Variants in ELMO1 observed in about 807,000 individuals in gnomAD.
ELMO1 encodes the protein engulfment and cell motility 1, also known as engulfment and cell motility protein 1.
A neutral mutation model predicts 98.9 loss-of-function variants in ELMO1; 26 were observed. The ratio of observed to expected loss-of-function variants is 0.26; its 90% CI spans 0.19 to 0.36. The LOEUF (loss-of-function observed/expected upper bound fraction) is 0.36. Ranked by LOEUF, ELMO1 falls within the 10% of genes least tolerant of loss-of-function variation. The pLI is 1.00. For missense variants in ELMO1, 627 were observed against 935.2 expected (o/e 0.67, Z 4.30); for synonymous variants, 346 against 346.0 (o/e 1.00, Z 0.00).
chr7:37,382,136 C>T (rs941232232), intron 1 of ELMO1, among the ~76,000 whole-genome samples: 6 of 152,134 alleles, frequency 3.9e-5, no homozygotes, highest in African/African-American at 1.4e-4. Flanking sequence ...CTCAGAAACA[C>T]TTGCCTTACC....
chr7:37,125,853 T>C (rs1194397707), intron 14 of ELMO1, among the ~76,000 whole-genome samples: 2 of 152,246 alleles, frequency 1.3e-5, no homozygotes, highest in African/African-American at 2.4e-5. Flanking sequence ...CAGACGTATG[T>C]TTATTGTGGC....
At chr7:36,910,603 G>T (rs1784276894) in intron 16 of ELMO1, among the ~76,000 whole-genome samples, 1 of 152,194 alleles carries the variant, frequency 6.6e-6, no homozygotes, top group Admixed American at 6.5e-5. Context: ...TTGCTCACTT[G>T]CCATCTGTGT....
At chr7:36,973,278 C>G (rs901820451) in intron 16 of ELMO1, among the ~76,000 whole-genome samples, 6 of 152,198 alleles carry the variant, frequency 3.9e-5, no homozygotes, top group African/African-American at 1.4e-4. Context: ...GACTGCTGTT[C>G]TTTTTCTCCC....
chr7:37,384,066 C>G (rs59508120), intron 1 of ELMO1, among the ~76,000 whole-genome samples: 13,682 of 152,198 alleles, frequency 0.09, 1,149 homozygotes, highest in East Asian at 0.42. Context: ...CCACCCACCT[C>G]GGCCTCCCAG....
At chr7:37,095,634 T>A (rs1325540028) in intron 15 of ELMO1, among the ~76,000 whole-genome samples, 1 of 152,238 alleles carries the variant, frequency 6.6e-6, no homozygotes, top group Non-Finnish European at 1.5e-5. Context: ...TATTTTTCCT[T>A]ACTAAGTATT....
At chr7:37,222,535 C>T (rs2302668) in intron 10 of ELMO1, 80 bp downstream of exon 10, 305,078 of 1,386,474 alleles carry the variant, frequency 0.22, 35,241 homozygotes, top group Middle Eastern at 0.28. Context: ...AATGAGTCCC[C>T]GAATAGAAGG....
chr7:37,260,601 C>A (rs1405468267), intron 5 of ELMO1, among the ~76,000 whole-genome samples: 1 of 152,038 alleles, frequency 6.6e-6, no homozygotes, highest in African/African-American at 2.4e-5. Flanking sequence ...CTGGAAGCAG[C>A]CCTCAAGAAG....
intron 2 of ELMO1, among the ~76,000 whole-genome samples, chr7:37,335,664 T>G (rs1583575342): frequency 6.6e-6 from 1 of 151,908 alleles, no homozygotes; most frequent in South Asian, 2.1e-4. Context: ...GAGCGAGGGG[T>G]GCCCGGAAGC....
At chr7:36,963,650 C>T (rs913839837) in intron 16 of ELMO1, among the ~76,000 whole-genome samples, 1 of 152,108 alleles carries the variant, frequency 6.6e-6, no homozygotes, top group Non-Finnish European at 1.5e-5. Flanking sequence ...CTATATAAAA[C>T]ATATGTCTTA....
rs146510671 is a variant in ELMO1 at position 37,342,678 on chromosome 7, C to T, written c.13G>A (p.Ala5Thr). ...TCTATGGCCACCTTGACGATGTCCG[C>T]GGGTGGCGGCATTGTAAGTCCCCAA... is the stretch of plus-strand genomic sequence containing the variant. MPPP[A>T]DIVKVAIEWP... The change falls in exon 2 of 22, where the codon GCG (alanine) becomes ACG (threonine). Residue 5 changes from alanine to threonine, a missense_variant. Physicochemically the swap from Ala to Thr is moderately conservative, Grantham distance 58. Coordinates refer to ENST00000310758, the MANE Select transcript of ELMO1 (RefSeq NM_014800.11). This position sits in a 1 kb window ranked among gnomAD's most constrained non-coding sequence, Gnocchi z 4.3. The T allele has an allele frequency of 5.9e-5, 95 of 1,609,796 alleles. No individual in the cohort carries two copies. Among genetic ancestry groups the T allele is most frequent in the Middle Eastern group, 1.7e-4 (1 of 6,050 alleles).
At chr7:37,095,121 C>T (rs919786445) in intron 15 of ELMO1, among the ~76,000 whole-genome samples, 3 of 152,258 alleles carry the variant, frequency 2.0e-5, no homozygotes, top group Middle Eastern at 3.4e-3. Context: ...CAACCAAGGG[C>T]AGTGCAGAGC....
At chr7:37,016,048 A>G (rs1793911132) in intron 15 of ELMO1, among the ~76,000 whole-genome samples, 1 of 152,146 alleles carries the variant, frequency 6.6e-6, no homozygotes, top group African/African-American at 2.4e-5. Context: ...GAAATTTACA[A>G]ATCTTCAGCT....
At chr7:37,161,905 A>AATATCTATATATATATATAT (rs1789229717) in intron 13 of ELMO1, among the ~76,000 whole-genome samples, 1 of 42,380 alleles carries the variant, frequency 2.4e-5, no homozygotes, top group South Asian at 9.2e-4. Flanking sequence ...CAGGTAATCA[A>AATATCTATATATATATATAT]ATATATATAT....
intron 15 of ELMO1, among the ~76,000 whole-genome samples, chr7:37,025,320 A>G (rs1380110832): frequency 2.0e-5 from 3 of 152,234 alleles, no homozygotes; most frequent in African/African-American, 7.2e-5. Flanking sequence ...TTATCTTGCT[A>G]AATAGATTTT....
intron 6 of ELMO1, 88 bp downstream of exon 6, chr7:37,259,093 C>T (rs372673905): frequency 7.0e-7 from 1 of 1,419,660 alleles, no homozygotes. Context: ...GTCTTTAAAA[C>T]AGAGTTTGCA....
chr7:37,419,074 G>A (rs186853499), intron 1 of ELMO1, among the ~76,000 whole-genome samples: 19 of 152,222 alleles, frequency 1.2e-4, no homozygotes, highest in Middle Eastern at 3.4e-3. Context: ...ATGCTGGCAG[G>A]GAGAACAGAA....
At chr7:37,163,294 T>A (rs1204700346) in intron 13 of ELMO1, among the ~76,000 whole-genome samples, 1 of 151,984 alleles carries the variant, frequency 6.6e-6, no homozygotes, top group Non-Finnish European at 1.5e-5. Flanking sequence ...TGTAATTCTT[T>A]TTATTATTAA....
At position 37,133,147 on chromosome 7, in the gene ELMO1, G is replaced by C. The variant is rs757591882; in HGVS notation, c.1174C>G (p.Gln392Glu). 2 of 1,610,740 alleles carry C rather than the reference G, an allele frequency of 1.2e-6. No individual in the cohort carries two copies. The highest frequency in any genetic ancestry group is 1.7e-6 in the Non-Finnish European group (2 of 1,178,582). The change falls in exon 14 of 22, where the codon CAA becomes GAA. Residue 392 changes from glutamine (Q) to glutamate (E), a missense_variant. Around this residue, in one of 3 missense-constraint regions of ELMO1, gnomAD observed 492 missense variants for 715.6 expected, o/e 0.69. Coordinates refer to ENST00000310758, the MANE Select transcript of ELMO1 (RefSeq NM_014800.11). ...DNMLYFAKHH[Q>E]DAYIRIVLEN... ...TTGCTTACCCGGATGTAGGCATCTT[G>C]GTGGTGCTTGGCAAAGTACAGCATG...
At chr7:37,269,892 C>T (rs1407206532) in intron 5 of ELMO1, 1 of 152,194 alleles carries the variant, frequency 6.6e-6, no homozygotes, top group African/African-American at 2.4e-5. Context: ...TGCTGAAAAA[C>T]TTCACTCTGC....
Sources: allele counts gnomAD v4.1 joint callset (sites outside exome capture counted in the v4.1 genomes callset), GRCh38; gene constraint gnomAD v4.1.1; regional missense constraint gnomAD v4.1.1; non-coding constraint Gnocchi (gnomAD v3.1); transcripts MANE v1.5; gene names NCBI Gene and HGNC (gene_info 2026-07-23, HGNC 2026-07-21).